Variants in CNTNAP2 observed in about 807,000 individuals in gnomAD.
The protein encoded by CNTNAP2 is contactin-associated protein-like 2.
Under a neutral mutation model 155.2 loss-of-function variants are expected in CNTNAP2, and 98 were observed. That is an observed-to-expected ratio of 0.63 (90% CI 0.54 to 0.75). The LOEUF (loss-of-function observed/expected upper bound fraction) is 0.75. Ranked by LOEUF, CNTNAP2 falls within the 30% of genes least tolerant of loss-of-function variation. CNTNAP2 has a pLI of 0.00. For synonymous variants in CNTNAP2, 651 were observed against 631.2 expected, an observed-to-expected ratio of 1.03 and a Z score of -0.47; for missense variants, 1,727 against 1,688.1, an observed-to-expected ratio of 1.02 and a Z score of -0.40.
At chr7:147,515,481 C>T (rs1185792382) in intron 11 of CNTNAP2, among the ~76,000 whole-genome samples, 1 of 151,942 alleles carries the variant, frequency 6.6e-6, no homozygotes, top group Non-Finnish European at 1.5e-5. Context: ...TGATACCATG[C>T]CCAGCTAATT....
intron 1 of CNTNAP2, among the ~76,000 whole-genome samples, chr7:146,123,875 C>G (rs1797597921): frequency 1.3e-5 from 2 of 152,046 alleles, no homozygotes; most frequent in African/African-American, 4.8e-5. Context: ...ATAGACTGGA[C>G]AAAGAAAATG....
intron 9 of CNTNAP2, among the ~76,000 whole-genome samples, chr7:147,314,038 G>T (rs1003333806): frequency 1.3e-5 from 2 of 152,108 alleles, no homozygotes; most frequent in African/African-American, 4.8e-5. Context: ...GTGAATGGGA[G>T]TTCACTCATG....
rs11980993 is a variant in CNTNAP2 at position 146,762,362 on chromosome 7, A to G, written c.98-11909A>G. 5.5e-3 allele frequency among the ~76,000 whole-genome samples: 833 copies of G among 152,214 alleles called. 8 individuals carry two copies. Among genetic ancestry groups the G allele is most frequent in the African/African-American group, 0.019 (786 of 41,558 alleles). On this transcript the variant is annotated intron_variant, in intron 1 of 23. Coordinates refer to ENST00000361727, the MANE Select transcript of CNTNAP2 (RefSeq NM_014141.6). The stretch of plus-strand genomic sequence containing the variant: ...ACACCTGTAATCCCAGCACTTTGGG[A>G]GGCCGAGGCGGGAGGATGACAAAGT...
At chr7:148,188,394 G>C (rs548559713) in intron 18 of CNTNAP2, among the ~76,000 whole-genome samples, 2 of 152,198 alleles carry the variant, frequency 1.3e-5, no homozygotes, top group African/African-American at 4.8e-5. Flanking sequence ...GAGGAGCCAG[G>C]TGTAATTTAG....
chr7:147,521,514 CT>C (rs1255972701), intron 11 of CNTNAP2, among the ~76,000 whole-genome samples: 4 of 152,216 alleles, frequency 2.6e-5, no homozygotes, highest in Admixed American at 2.6e-4. Flanking sequence ...GAAGTCTCCC[CT>C]GGCAAAGGAA....
intron 15 of CNTNAP2, among the ~76,000 whole-genome samples, chr7:148,087,298 C>T (rs973569426): frequency 6.6e-6 from 1 of 152,052 alleles, no homozygotes; most frequent in Non-Finnish European, 1.5e-5. Context: ...TATTGTACTA[C>T]CCACTATAGC....
intron 1 of CNTNAP2, among the ~76,000 whole-genome samples, chr7:146,503,065 A>C (rs1797330230): frequency 6.6e-6 from 1 of 152,044 alleles, no homozygotes. Flanking sequence ...TATTGAGTTG[A>C]GTTCCTTATT....
chr7:147,320,061 T>C (rs1795319983), intron 9 of CNTNAP2, among the ~76,000 whole-genome samples: 1 of 152,178 alleles, frequency 6.6e-6, no homozygotes. Flanking sequence ...AAGTGGTGGA[T>C]TGCATCTAGC....
intron 4 of CNTNAP2, among the ~76,000 whole-genome samples, chr7:147,069,124 C>T (rs1278508816): frequency 3.3e-5 from 5 of 152,088 alleles, no homozygotes; most frequent in Admixed American, 2.0e-4. Context: ...ACTCATCACC[C>T]GGGGAAGGGC....
intron 8 of CNTNAP2, among the ~76,000 whole-genome samples, chr7:147,133,044 A>G (rs912545342): frequency 5.3e-5 from 8 of 152,146 alleles, no homozygotes; most frequent in Admixed American, 3.9e-4. Flanking sequence ...TTTGTGTATC[A>G]ACTGACGGAA....
intron 15 of CNTNAP2, among the ~76,000 whole-genome samples, chr7:148,095,711 A>G (rs1230623046): frequency 2.0e-5 from 3 of 152,250 alleles, no homozygotes; most frequent in East Asian, 3.9e-4. Context: ...AAAGAGCACC[A>G]TCGGGGAAAA....
intron 3 of CNTNAP2, among the ~76,000 whole-genome samples, chr7:146,947,842 G>A (rs1797222426): frequency 6.6e-6 from 1 of 151,764 alleles, no homozygotes; most frequent in Non-Finnish European, 1.5e-5. Context: ...TTACTTCGAG[G>A]CTACAGCGAG....
chr7:146,582,064 G>C (rs992483851), intron 1 of CNTNAP2, among the ~76,000 whole-genome samples: 1 of 152,046 alleles, frequency 6.6e-6, no homozygotes, highest in Non-Finnish European at 1.5e-5. Context: ...TCCCTCTAAA[G>C]AAGCCCTTTC....
intron 16 of CNTNAP2, among the ~76,000 whole-genome samples, chr7:148,124,660 T>C (rs568192778): frequency 2.6e-5 from 4 of 152,366 alleles, no homozygotes; most frequent in Admixed American, 2.6e-4. Flanking sequence ...GGCCCTGTTC[T>C]AAAGCTTTTG....
At chr7:146,341,415 T>C (rs1794724530) in intron 1 of CNTNAP2, among the ~76,000 whole-genome samples, 1 of 152,138 alleles carries the variant, frequency 6.6e-6, no homozygotes, top group African/African-American at 2.4e-5. Context: ...TCCATTATAC[T>C]GAAGACTTGG....
At chr7:148,043,145 CAGTG>C (rs1802709197) in intron 15 of CNTNAP2, among the ~76,000 whole-genome samples, 1 of 152,214 alleles carries the variant, frequency 6.6e-6, no homozygotes, top group Admixed American at 6.5e-5. Context: ...TGCCACCTCC[CAGTG>C]AGTCACAGTG....
At chr7:147,105,997 G>C (rs574329974) in intron 4 of CNTNAP2, among the ~76,000 whole-genome samples, 2 of 152,034 alleles carry the variant, frequency 1.3e-5, no homozygotes, top group African/African-American at 4.8e-5. Flanking sequence ...AGTAAGACAG[G>C]AATGCATTAA....
rs569741852 is a variant in CNTNAP2 at position 147,061,795 on chromosome 7, A to G, written c.550+17741A>G. On this transcript the variant is annotated intron_variant, in intron 4 of 23. Coordinates refer to ENST00000361727, the MANE Select transcript of CNTNAP2 (RefSeq NM_014141.6). ...AAACAAAACAAAAAAACACTAGCTG[A>G]ATAAACTAGTATACTTAGTATTCGG... Among the ~76,000 whole-genome samples, 5 of 152,340 alleles carry G rather than the reference A, an allele frequency of 3.3e-5. No homozygotes were observed. The South Asian group carries it at 1.0e-3, about 32-fold the overall frequency.
intron 15 of CNTNAP2, among the ~76,000 whole-genome samples, chr7:148,024,939 G>C (rs1346951686): frequency 6.6e-6 from 1 of 152,140 alleles, no homozygotes; most frequent in Non-Finnish European, 1.5e-5. Flanking sequence ...ACAGTGAGAG[G>C]AATCTCACCT....
Sources: gnomAD v4.1 joint callset for allele counts (sites outside exome capture counted in the v4.1 genomes callset) on GRCh38, gnomAD v4.1.1 for gene constraint, MANE v1.5 for transcripts, NCBI Gene and HGNC (gene_info 2026-07-23, HGNC 2026-07-21) for gene names.